Variants in CPVL observed in about 807,000 individuals in gnomAD.
CPVL encodes the protein carboxypeptidase vitellogenic like.
A neutral mutation model predicts 63.7 loss-of-function variants in CPVL; 51 were observed. That is an observed-to-expected ratio of 0.80 (90% confidence interval 0.64 to 1.01). CPVL has a LOEUF of 1.01. Among genes scored for constraint, CPVL ranks in the 50% least tolerant of loss-of-function variants. CPVL has a pLI of 0.00. For missense variants in CPVL, 530 were observed against 573.1 expected (o/e 0.92, Z 0.77); for synonymous variants, 195 against 206.0 (o/e 0.95, Z 0.46).
At chr7:28,997,895 G>A (rs1784246543) in intron 12 of CPVL, among the ~76,000 whole-genome samples, 1 of 150,994 alleles carries the variant, frequency 6.6e-6, no homozygotes. Flanking sequence ...GCAGATGTGG[G>A]ACCAGACTTA....
Position 29,193,303 on chromosome 7 carries a change from G to A in CPVL, c.-448+1774C>T, listed in dbSNP as rs552771747. 1.5e-3 allele frequency: 224 copies of A among 152,238 alleles called. 1 individual carries two copies. The highest frequency in any genetic ancestry group is 5.3e-3 in the African/African-American group (221 of 41,532). 9.4% of individuals were successfully genotyped at this position (152,238 alleles called of 1,614,324 possible). A position where few individuals can be genotyped will look rare whatever the true frequency, so the allele number is the denominator to read the frequency against. The stretch of plus-strand genomic sequence containing the variant: ...ATCAACTAGAAAATGTGACGTGGGT[G>A]CGTACTGTGATTATTTAACATTCAT... On this transcript the variant is annotated intron_variant, in intron 1 of 16. Coordinates refer to the CPVL transcript ENST00000409850.
At chr7:29,059,379 C>T (rs182828815) in intron 11 of CPVL, among the ~76,000 whole-genome samples, 2 of 152,090 alleles carry the variant, frequency 1.3e-5, no homozygotes, top group Admixed American at 1.3e-4. Context: ...ATTCCTAAGC[C>T]AGGCAAAGAT....
intron 5 of CPVL, among the ~76,000 whole-genome samples, chr7:29,152,145 G>C (rs945514457): frequency 6.6e-6 from 1 of 152,218 alleles, no homozygotes; most frequent in South Asian, 2.1e-4. Flanking sequence ...AGAACTTCAA[G>C]AACTAGGTCA....
At chr7:29,072,639 C>T (rs192651570) in intron 7 of CPVL, among the ~76,000 whole-genome samples, 146 of 152,190 alleles carry the variant, frequency 9.6e-4, no homozygotes, top group Admixed American at 2.0e-3. Flanking sequence ...TGAACAGGTT[C>T]GATGCACAAA....
chr7:29,033,490 C>T (rs531780966), intron 11 of CPVL, among the ~76,000 whole-genome samples: 55 of 152,288 alleles, frequency 3.6e-4, no homozygotes, highest in African/African-American at 1.3e-3. Context: ...ACTTCTCCCC[C>T]GGTAGGGTGA....
At chr7:29,160,263 C>T (rs1352502988) in intron 5 of CPVL, among the ~76,000 whole-genome samples, 2 of 152,214 alleles carry the variant, frequency 1.3e-5, no homozygotes, top group Non-Finnish European at 2.9e-5. Context: ...CGGTGACAGA[C>T]ATGAGCAGTA....
At chr7:29,013,999 C>G (rs143854124) in intron 12 of CPVL, among the ~76,000 whole-genome samples, 1 of 152,232 alleles carries the variant, frequency 6.6e-6, no homozygotes, top group East Asian at 1.9e-4. Flanking sequence ...TTGGTCCAGT[C>G]TTGCTCCTAT....
At chr7:29,018,441 C>A (rs563547952) in intron 12 of CPVL, among the ~76,000 whole-genome samples, 5 of 146,344 alleles carry the variant, frequency 3.4e-5, no homozygotes, top group Admixed American at 6.9e-5. Context: ...TGCAGTGGCG[C>A]GATCTCAGCT....
At chr7:29,094,872 G>C (rs753644785) in intron 5 of CPVL, among the ~76,000 whole-genome samples, 12 of 151,956 alleles carry the variant, frequency 7.9e-5, no homozygotes, top group Non-Finnish European at 1.5e-4. Context: ...ATGAGGAAAT[G>C]AGAGAAGGCA....
chr7:29,104,829 C>T (rs945978092), intron 3 of CPVL, among the ~76,000 whole-genome samples: 3 of 152,184 alleles, frequency 2.0e-5, no homozygotes, highest in Admixed American at 1.3e-4. Context: ...ACTTTCCCTT[C>T]TTGATGCAAA....
chr7:29,111,672 G>A (rs953323338), intron 3 of CPVL, among the ~76,000 whole-genome samples: 18 of 152,178 alleles, frequency 1.2e-4, no homozygotes, highest in African/African-American at 4.3e-4. Context: ...GCTGCTTTGG[G>A]GTGAACTATG....
intron 7 of CPVL, among the ~76,000 whole-genome samples, chr7:29,076,658 G>T (rs1395730944): frequency 6.6e-6 from 1 of 152,112 alleles, no homozygotes; most frequent in Admixed American, 6.6e-5. Context: ...GCTCTTACTT[G>T]GTTAATTTTT....
rs1792666407 is a variant in CPVL, at chr7:29,146,438, T to C, written c.-20A>G. ...GGCAGGCGGCACTTACGCGGCGCAG[T>C]CGGTGCTCCTCCCTGAGCCGCGGCG... On this transcript the variant is annotated 5_prime_UTR_variant, in exon 1 of 13. Coordinates refer to ENST00000265394, the MANE Select transcript of CPVL (RefSeq NM_031311.5). The C allele has an allele frequency of 1.6e-6, 2 of 1,240,936 alleles. No homozygotes were observed. Among genetic ancestry groups the C allele is most frequent in the Non-Finnish European group, 1.1e-6 (1 of 923,340 alleles). The allele number at this position is 1,240,936 out of a possible 1,614,324, so 76.9% of individuals were successfully genotyped here. A position where few individuals can be genotyped will look rare whatever the true frequency, so the allele number is the denominator to read the frequency against.
At chr7:29,166,025 G>T (rs1162136544) in intron 5 of CPVL, among the ~76,000 whole-genome samples, 1 of 151,984 alleles carries the variant, frequency 6.6e-6, no homozygotes, top group Admixed American at 6.6e-5. Context: ...GTTGCAAAGT[G>T]GGTTTTTGTT....
At chr7:29,066,254 T>G (rs1783129078) in intron 9 of CPVL, 133 bp from the exon 10 acceptor site, 1 of 604,790 alleles carries the variant, frequency 1.7e-6, no homozygotes, top group Non-Finnish European at 2.9e-6. Flanking sequence ...GCCCACTTAT[T>G]GTGCATATTC....
intron 3 of CPVL, among the ~76,000 whole-genome samples, chr7:29,107,076 G>A (rs1341263459): frequency 3.9e-5 from 6 of 152,184 alleles, no homozygotes; most frequent in Non-Finnish European, 1.5e-5. Flanking sequence ...CTCCACAGAG[G>A]CTCAGCCATG....
chr7:29,132,310 C>T (rs1339108949), intron 1 of CPVL, among the ~76,000 whole-genome samples: 1 of 152,118 alleles, frequency 6.6e-6, no homozygotes, highest in African/African-American at 2.4e-5. Context: ...GGTACAGGCT[C>T]GTGCTGGGTA....
intron 11 of CPVL, among the ~76,000 whole-genome samples, chr7:29,043,239 C>CTTTT (rs113006758): frequency 1.4e-5 from 2 of 146,960 alleles, no homozygotes; most frequent in Non-Finnish European, 3.0e-5. Context: ...TTTTCTTTAC[C>CTTTT]TTTTTTTTTT....
chr7:29,040,232 A>C (rs1258385195), intron 11 of CPVL, among the ~76,000 whole-genome samples: 1 of 152,216 alleles, frequency 6.6e-6, no homozygotes, highest in Non-Finnish European at 1.5e-5. Context: ...GGACTGAAGC[A>C]ATTAGCATGT....
Sources: gnomAD v4.1 joint callset for allele counts (sites outside exome capture counted in the v4.1 genomes callset) on GRCh38, gnomAD v4.1.1 for gene constraint, MANE v1.5 for transcripts, NCBI Gene and HGNC (gene_info 2026-07-23, HGNC 2026-07-21) for gene names.